COLEC10: variants seen among roughly 807,000 people sequenced by gnomAD.
The protein encoded by COLEC10 is collectin-10.
Under a neutral mutation model 28.4 loss-of-function variants are expected in COLEC10, and 22 were observed. The ratio of observed to expected loss-of-function variants is 0.78; its 90% confidence interval spans 0.55 to 1.11. The LOEUF (loss-of-function observed/expected upper bound fraction) is 1.11, where lower values mean the gene tolerates loss of function less well. COLEC10 is among the 50% of genes least tolerant of loss of function. COLEC10 has a pLI of 0.00. For missense variants in COLEC10, 361 were observed against 344.1 expected (o/e 1.05, Z -0.39); for synonymous variants, 125 against 116.1 (o/e 1.08, Z -0.49).
chr8:118,972,205 A>G, the COLEC10 span, among the ~76,000 whole-genome samples: 2 of 151,922 alleles, frequency 1.3e-5, no homozygotes, highest in Non-Finnish European at 2.9e-5. Flanking sequence ...CTGATCCTGC[A>G]ATTCATTTAT....
At chr8:118,989,534 TACACACACACAC>T in the COLEC10 span, among the ~76,000 whole-genome samples, 44 of 128,724 alleles carry the variant, frequency 3.4e-4, no homozygotes, top group African/African-American at 8.5e-4. Flanking sequence ...ACAGACAAAA[TACACACACACAC>T]ACACACACAC....
At chr8:118,976,342 A>T in the COLEC10 span, among the ~76,000 whole-genome samples, 1 of 152,064 alleles carries the variant, frequency 6.6e-6, no homozygotes, top group Non-Finnish European at 1.5e-5. Flanking sequence ...GTCCTCACTT[A>T]GTTGGGTTGA....
the COLEC10 span, among the ~76,000 whole-genome samples, chr8:118,965,811 G>A: frequency 6.6e-6 from 1 of 152,014 alleles, no homozygotes; most frequent in Non-Finnish European, 1.5e-5. Context: ...TTTTTTGATT[G>A]TGGAATCATT....
intron 1 of COLEC10, among the ~76,000 whole-genome samples, chr8:119,088,064 C>A (rs900666540): frequency 6.6e-6 from 1 of 151,746 alleles, no homozygotes; most frequent in African/African-American, 2.4e-5. Flanking sequence ...GAGGTTAAGG[C>A]TGCAATGAAC....
At chr8:118,995,379 G>A (rs1004826261), upstream of COLEC10, 7 of 152,126 alleles carry the variant, frequency 4.6e-5, no homozygotes, top group East Asian at 1.9e-4. Flanking sequence ...GTAACATCAC[G>A]TCAGTGCATT....
At chr8:119,102,213 T>TGCCAA in intron 3 of COLEC10, 135 bp from the exon 4 acceptor site, 1 of 2,222 alleles carries the variant, frequency 4.5e-4, no homozygotes. Context: ...CACTCCTTCC[T>TGCCAA]CCCTCCCTCC....
rs149538640 is a variant in COLEC10 at position 119,010,364 on chromosome 8, A to G, written n.235+811A>G. On this transcript the variant is annotated intron_variant and non_coding_transcript_variant, in intron 2 of 6. Transcript: ENST00000521788. ...ATAGCTAATTTTTTGGCACAAAATA[A>G]TAGTTCATTGTTTGGACATACTACA... 2.9e-3 allele frequency among the ~76,000 whole-genome samples: 444 copies of G among 151,104 alleles called. 28 individuals carry two copies. The highest frequency in any genetic ancestry group is 0.01 in the African/African-American group (420 of 40,506).
chr8:119,027,297 T>G (rs1380701001), intron 2 of COLEC10, among the ~76,000 whole-genome samples: 1 of 152,214 alleles, frequency 6.6e-6, no homozygotes, highest in Non-Finnish European at 1.5e-5. Context: ...CCTAGACTGA[T>G]GCCCACATTT....
chr8:119,085,978 A>G (rs1470226217), intron 1 of COLEC10, among the ~76,000 whole-genome samples: 1 of 152,142 alleles, frequency 6.6e-6, no homozygotes, highest in Non-Finnish European at 1.5e-5. Context: ...TCCCCAGTCT[A>G]TAAGATTGTT....
At chr8:118,970,775 A>G in the COLEC10 span, among the ~76,000 whole-genome samples, 2 of 151,982 alleles carry the variant, frequency 1.3e-5, no homozygotes, top group Non-Finnish European at 2.9e-5. Flanking sequence ...GTAATGAGTA[A>G]GTACTATAAT....
chr8:118,973,829 C>T, the COLEC10 span, among the ~76,000 whole-genome samples: 275 of 152,002 alleles, frequency 1.8e-3, 2 homozygotes, highest in African/African-American at 6.2e-3. Flanking sequence ...TAGTCCAAAC[C>T]TTCCAGCTAT....
chr8:119,104,006 T>C (rs940817741), intron 5 of COLEC10, 111 bp downstream of exon 5: 80 of 775,132 alleles, frequency 1.0e-4, no homozygotes, highest in Non-Finnish European at 2.0e-5. Flanking sequence ...GCTATTGAGA[T>C]AGTGTCACCA....
At chr8:119,082,722 A>G (rs1045972771) in intron 1 of COLEC10, among the ~76,000 whole-genome samples, 3 of 152,238 alleles carry the variant, frequency 2.0e-5, no homozygotes, top group South Asian at 2.1e-4. Context: ...TTCATTGGCG[A>G]AGACATTTTA....
chr8:119,033,104 T>C (rs993016890), intron 2 of COLEC10, among the ~76,000 whole-genome samples: 1 of 152,052 alleles, frequency 6.6e-6, no homozygotes, highest in Non-Finnish European at 1.5e-5. Flanking sequence ...CCACTTAGGG[T>C]CTTTTCAAGC....
At chr8:119,088,195 AGGAGGGAG>A (rs1167212879) in intron 1 of COLEC10, among the ~76,000 whole-genome samples, 1 of 151,018 alleles carries the variant, frequency 6.6e-6, no homozygotes, top group African/African-American at 2.4e-5. Context: ...AAGGAAGGGA[AGGAGGGAG>A]GGAGGGAAAG....
chr8:119,050,127 A>G (rs1400528566), intron 2 of COLEC10, among the ~76,000 whole-genome samples: 1 of 152,214 alleles, frequency 6.6e-6, no homozygotes, highest in South Asian at 2.1e-4. Context: ...CATGTAAAGT[A>G]CTTGCAACAT....
chr8:119,042,636 T>C (rs1814520103), intron 2 of COLEC10, among the ~76,000 whole-genome samples: 1 of 152,266 alleles, frequency 6.6e-6, no homozygotes, highest in South Asian at 2.1e-4. Context: ...TAAATGGATG[T>C]GCCAGTAGGA....
At chr8:119,077,257 T>TC (rs1265233905) in intron 1 of COLEC10, among the ~76,000 whole-genome samples, 2 of 149,868 alleles carry the variant, frequency 1.3e-5, no homozygotes, top group African/African-American at 4.9e-5. Context: ...TTTTTTTTTT[T>TC]TTTTTTTTTT....
At chr8:119,092,582 T>C (rs992316168) in intron 3 of COLEC10, among the ~76,000 whole-genome samples, 1 of 152,126 alleles carries the variant, frequency 6.6e-6, no homozygotes, top group African/African-American at 2.4e-5. Flanking sequence ...AAGACATTCA[T>C]AGACTATTCA....
Sources: gnomAD v4.1 joint callset for allele counts (sites outside exome capture counted in the v4.1 genomes callset) on GRCh38, gnomAD v4.1.1 for gene constraint, MANE v1.5 for transcripts, NCBI Gene and HGNC (gene_info 2026-07-23, HGNC 2026-07-21) for gene names.